The following DACH1 variants were observed in gnomAD, a reference collection of about 807,000 sequenced individuals.
DACH1 encodes dachshund homolog 1.
Under a neutral mutation model 54.2 loss-of-function variants are expected in DACH1, and 12 were observed. The observed-to-expected ratio is 0.22, with a 90% confidence interval of 0.14 to 0.36. The LOEUF (loss-of-function observed/expected upper bound fraction) is 0.36. Ranked by LOEUF, DACH1 falls within the 10% of genes least tolerant of loss-of-function variation. The probability of loss-of-function intolerance (pLI) is 1.00; values close to 1 mark genes in which losing one functional copy is unlikely to be tolerated. For synonymous variants in DACH1, 386 were observed against 366.2 expected (o/e 1.05, Z -0.62); for missense variants, 805 against 929.8 (o/e 0.87, Z 1.75).
intron 10 of DACH1, among the ~76,000 whole-genome samples, chr13:71,464,236 G>A (rs1876354455): frequency 6.6e-6 from 1 of 151,688 alleles, no homozygotes; most frequent in African/African-American, 2.4e-5. Context: ...TAAAAAAAAT[G>A]AGCTGGTCTT....
chr13:71,552,828 T>C (rs1224598161), intron 6 of DACH1, among the ~76,000 whole-genome samples: 13 of 46,164 alleles, frequency 2.8e-4, no homozygotes, highest in Admixed American at 9.7e-4. Context: ...TATATATATA[T>C]ATATATATAT....
chr13:71,521,747 G>A (rs961858317), intron 6 of DACH1, among the ~76,000 whole-genome samples: 1 of 151,938 alleles, frequency 6.6e-6, no homozygotes, highest in Non-Finnish European at 1.5e-5. Flanking sequence ...TCGCCTACGC[G>A]GTCAGCCTCT....
chr13:71,457,931 A>T (rs1018187188), intron 10 of DACH1, among the ~76,000 whole-genome samples: 1 of 151,874 alleles, frequency 6.6e-6, no homozygotes, highest in Non-Finnish European at 1.5e-5. Context: ...AGTAAGCCAA[A>T]CTCATCATCA....
intron 1 of DACH1, among the ~76,000 whole-genome samples, chr13:71,686,755 T>G (rs1203575062): frequency 1.3e-5 from 2 of 152,150 alleles, no homozygotes; most frequent in African/African-American, 4.8e-5. Context: ...AAAACTGTGG[T>G]GTCTACACAT....
intron 10 of DACH1, among the ~76,000 whole-genome samples, chr13:71,447,812 A>G (rs1874606717): frequency 6.9e-6 from 1 of 144,146 alleles, no homozygotes; most frequent in South Asian, 2.2e-4. Flanking sequence ...CAGCCTGGAG[A>G]AAAAAAAAAA....
intron 6 of DACH1, among the ~76,000 whole-genome samples, chr13:71,533,769 A>C (rs112832064): frequency 6.1e-5 from 9 of 148,198 alleles, no homozygotes; most frequent in South Asian, 2.1e-4. Context: ...CACACACACA[A>C]ACACACACAC....
chr13:71,791,140 CA>C (rs1439566873), intron 1 of DACH1, among the ~76,000 whole-genome samples: 1 of 152,136 alleles, frequency 6.6e-6, no homozygotes, highest in East Asian at 1.9e-4. Context: ...AAGCATATTA[CA>C]GTGATCTTCC....
chr13:71,826,428 C>T (rs1047975814), intron 1 of DACH1, among the ~76,000 whole-genome samples: 2 of 152,008 alleles, frequency 1.3e-5, no homozygotes, highest in African/African-American at 4.8e-5. Flanking sequence ...ATGAGCAAGG[C>T]TGTGATCATG....
chr13:71,734,039 A>C (rs1443305679), intron 1 of DACH1, among the ~76,000 whole-genome samples: 1 of 151,702 alleles, frequency 6.6e-6, no homozygotes, highest in Non-Finnish European at 1.5e-5. Flanking sequence ...GCAGAGCAAC[A>C]CTCCATCTCA....
At chr13:71,762,864 T>C (rs1255920603) in intron 1 of DACH1, among the ~76,000 whole-genome samples, 1 of 151,380 alleles carries the variant, frequency 6.6e-6, no homozygotes, top group African/African-American at 2.4e-5. Context: ...GTACTATTAA[T>C]ATTGGACCAA....
At chr13:71,534,129 A>G (rs1170066988) in intron 6 of DACH1, among the ~76,000 whole-genome samples, 1 of 152,040 alleles carries the variant, frequency 6.6e-6, no homozygotes, top group Non-Finnish European at 1.5e-5. Context: ...AGGGGTAGTA[A>G]AAGATTTTAA....
chr13:71,588,252 T>C lies in DACH1; in HGVS notation c.1127-15240A>G, dbSNP rs191739953. On this transcript the variant is annotated intron_variant, in intron 3 of 10. Transcript: ENST00000613252. ...GGACATAGTTGCTGACATCATCATG[T>C]AAAAAGACTTGAGTTGGCCAATGGA... Among the ~76,000 whole-genome samples, 25 of 152,232 alleles carry C rather than the reference T, an allele frequency of 1.6e-4. No homozygotes were observed. In the East Asian group the frequency reaches 4.8e-3, roughly 29 times the overall value.
At chr13:71,568,942 AATTAGACCT>A (rs1198146797) in intron 4 of DACH1, among the ~76,000 whole-genome samples, 1 of 152,070 alleles carries the variant, frequency 6.6e-6, no homozygotes, top group Non-Finnish European at 1.5e-5. Flanking sequence ...TAGGAATTTC[AATTAGACCT>A]ATTATTGTCT....
At chr13:71,839,336 G>A (rs775780000) in intron 1 of DACH1, among the ~76,000 whole-genome samples, 4 of 152,058 alleles carry the variant, frequency 2.6e-5, no homozygotes, top group African/African-American at 9.7e-5. Flanking sequence ...TAAAACTCAC[G>A]GTGGCTCACA....
intron 6 of DACH1, among the ~76,000 whole-genome samples, chr13:71,537,673 C>A (rs575451752): frequency 7.2e-5 from 11 of 152,178 alleles, no homozygotes; most frequent in African/African-American, 2.6e-4. Flanking sequence ...ATTTCTCAAT[C>A]CCATCTTGAA....
intron 1 of DACH1, among the ~76,000 whole-genome samples, chr13:71,814,523 A>G (rs1305499504): frequency 6.6e-6 from 1 of 152,234 alleles, no homozygotes; most frequent in Non-Finnish European, 1.5e-5. Flanking sequence ...AACAAGTTGC[A>G]GATAATTTAA....
chr13:71,444,493 A>T (rs965400157), intron 10 of DACH1, among the ~76,000 whole-genome samples: 5 of 152,162 alleles, frequency 3.3e-5, no homozygotes, highest in African/African-American at 9.7e-5. Flanking sequence ...TTCAAATTTC[A>T]TTAACCTAAG....
intron 1 of DACH1, among the ~76,000 whole-genome samples, chr13:71,786,852 A>G (rs1235011496): frequency 1.3e-5 from 2 of 152,126 alleles, no homozygotes; most frequent in Middle Eastern, 3.2e-3. Context: ...TGGTAAATTG[A>G]CAATACTTAT....
intron 6 of DACH1, among the ~76,000 whole-genome samples, chr13:71,503,104 CA>C (rs1262124283): frequency 1.3e-5 from 2 of 152,188 alleles, no homozygotes; most frequent in Non-Finnish European, 2.9e-5. Flanking sequence ...AAGGTTTCTT[CA>C]AGTCATACCT....
Sources: allele counts gnomAD v4.1 joint callset (sites outside exome capture counted in the v4.1 genomes callset), GRCh38; gene constraint gnomAD v4.1.1; transcripts MANE v1.5; gene names NCBI Gene and HGNC (gene_info 2026-07-23, HGNC 2026-07-21).